Variants in REST observed in about 807,000 individuals in gnomAD.
The protein encoded by REST is RE1-silencing transcription factor.
A neutral mutation model predicts 30.4 loss-of-function variants in REST; 1 was observed. The ratio of observed to expected loss-of-function variants is 0.03; its 90% CI spans 0.01 to 0.16. The LOEUF (loss-of-function observed/expected upper bound fraction) is 0.16. Among genes scored for constraint, REST ranks in the 10% least tolerant of loss-of-function variants. REST has a pLI of 1.00. For missense variants in REST, 1,259 were observed against 1,329.5 expected, an observed-to-expected ratio of 0.95 and a Z score of 0.82; for synonymous variants, 504 against 451.1, an observed-to-expected ratio of 1.12 and a Z score of -1.49.
intron 2 of REST, among the ~76,000 whole-genome samples, chr4:56,914,549 G>A (rs1158085198): frequency 6.6e-6 from 1 of 152,180 alleles, no homozygotes. Flanking sequence ...AAAGTTACTT[G>A]GGGACACAAC....
intron 3 of REST, among the ~76,000 whole-genome samples, chr4:56,927,839 C>T (rs542842745): frequency 1.3e-5 from 2 of 152,244 alleles, no homozygotes; most frequent in African/African-American, 4.8e-5. Context: ...GGGGGAAAAT[C>T]AAGAAAGTTT....
At position 56,930,318 on chromosome 4, in the gene REST, A is replaced by C. The variant is rs1290857052; in HGVS notation, c.1460A>C (p.Gln487Pro). ...CCTTCTAATAATGTGTCAGTGATCC[A>C]GGTGACTACCAGAACTCGAAAATCA... ...KKPSNNVSVI[Q>P]VTTRTRKSVT... Residue 487 changes from glutamine to proline, a missense_variant, in exon 4 of 4, where the codon CAG (glutamine) becomes CCG (proline). Physicochemically the swap from Gln to Pro is moderately conservative, Grantham distance 76. Around this residue, in one of 5 missense-constraint regions of REST, gnomAD observed 856 missense variants for 772.8 expected, o/e 1.11. Transcript: ENST00000309042. The C allele has an allele frequency of 5.0e-6, 8 of 1,614,038 alleles. No individual in the cohort carries two copies. Among genetic ancestry groups the C allele is most frequent in the Non-Finnish European group, 6.8e-6 (8 of 1,180,040 alleles).
intron 2 of REST, among the ~76,000 whole-genome samples, chr4:56,914,527 A>G (rs781662): frequency 0.58 from 88,589 of 152,088 alleles, 25,935 homozygotes; most frequent in Admixed American, 0.64. Flanking sequence ...AAAATACATA[A>G]AGTAGGAAAT....
intron 3 of REST, among the ~76,000 whole-genome samples, chr4:56,920,460 C>T (rs1336831353): frequency 6.6e-6 from 1 of 151,500 alleles, no homozygotes; most frequent in Non-Finnish European, 1.5e-5. Flanking sequence ...TCACCATCAC[C>T]ACTCATAATT....
intron 3 of REST, among the ~76,000 whole-genome samples, chr4:56,925,777 A>G (rs983105823): frequency 6.6e-6 from 1 of 152,238 alleles, no homozygotes; most frequent in East Asian, 1.9e-4. Flanking sequence ...GCAATAAAGT[A>G]AAAATTACGG....
Position 56,919,845 on chromosome 4 carries a change from A to G in REST, c.957A>G (p.Leu319=). 6.2e-7 allele frequency: 1 copy of G among 1,605,500 alleles called. No homozygotes were observed. The highest frequency in any genetic ancestry group is 2.2e-5 in the East Asian group (1 of 44,760). ...ACTCAAGTTCTCAGAAGACTCATCT[A>G]ACTAGACATATGCGTACTCATTCAG... is the stretch of plus-strand genomic sequence containing the variant. ...CPYSSSQKTH[L]TRHMRTHSGE... is the part of the protein sequence containing the mutation. The change falls in exon 3 of 4, where the codon CTA becomes CTG. Residue 319 remains leucine (L), a synonymous_variant. Transcript: ENST00000309042.
intron 1 of REST, among the ~76,000 whole-genome samples, chr4:56,908,641 C>T (rs544900195): frequency 2.0e-5 from 3 of 152,268 alleles, no homozygotes; most frequent in African/African-American, 7.2e-5. Flanking sequence ...CTCCTGGCCC[C>T]CTCCCCCAGG....
Position 56,935,181 on chromosome 4 carries a change from T to G in REST, c.*3029T>G, listed in dbSNP as rs1218787822. 1 of 152,208 alleles carries G rather than the reference T, an allele frequency of 6.6e-6. No homozygotes were observed. The highest frequency in any genetic ancestry group is 1.9e-4 in the East Asian group (1 of 5,200). 9.4% of individuals were successfully genotyped at this position (152,208 alleles called of 1,614,324 possible). A position where few individuals can be genotyped will look rare whatever the true frequency, so the allele number is the denominator to read the frequency against. ...AAATTAAAACCCAAGTAGACCTCAT[T>G]GCATGTCACCCTATGAATGTTGACA... On this transcript the variant is annotated 3_prime_UTR_variant, in exon 4 of 4. Coordinates refer to ENST00000309042, the MANE Select transcript of REST (RefSeq NM_005612.5).
chr4:56,907,923 T>G lies in REST; in HGVS notation c.-300T>G, dbSNP rs1237772213. The G allele has an allele frequency of 3.9e-5, 10 of 258,160 alleles. No homozygotes were observed. Among genetic ancestry groups the G allele is most frequent in the Admixed American group, 2.8e-4 (5 of 17,620 alleles). The allele number at this position is 258,160 out of a possible 1,614,324, so 16.0% of individuals were successfully genotyped here. Reference sequence around the variant, plus strand: ...GGGTGCGCGGCGCAGCGTCCTGTGTTGGAATGTGCGGCTGCCGCGAGCTCG... The same window carrying G: ...GGGTGCGCGGCGCAGCGTCCTGTGTGGGAATGTGCGGCTGCCGCGAGCTCG... On this transcript the variant is annotated 5_prime_UTR_variant, in exon 1 of 4. Transcript: ENST00000309042.
chr4:56,927,671 A>G, intron 3 of REST: 2 of 1,231,754 alleles, frequency 1.6e-6, no homozygotes, highest in South Asian at 1.3e-5. Context: ...ATGGGTATGT[A>G]TTCAGGTAGA....
At chr4:56,923,351 T>TA (rs1213306142) in intron 3 of REST, among the ~76,000 whole-genome samples, 1 of 152,220 alleles carries the variant, frequency 6.6e-6, no homozygotes, top group African/African-American at 2.4e-5. Flanking sequence ...CACTGCAACT[T>TA]CATATGCCTA....
Position 56,931,708 on chromosome 4 carries a change from C to G in REST, c.2850C>G (p.Asp950Glu). 3.1e-6 allele frequency: 5 copies of G among 1,614,176 alleles called. No individual in the cohort carries two copies. Among genetic ancestry groups the G allele is most frequent in the Non-Finnish European group, 4.2e-6 (5 of 1,180,040 alleles). Residue 950 changes from aspartate to glutamate, a missense_variant, in exon 4 of 4, where the codon GAC becomes GAG. Transcript: ENST00000309042. Reference protein sequence around the residue: ...TDSIVCEMKMDTDQNTRENLT... With the variant: ...TDSIVCEMKMETDQNTRENLT... ...GTATAGTTTGTGAAATGAAAATGGA[C>G]ACTGATCAGAACACAAGAGAGAATC...
In REST at chr4:56,933,618, A is replaced by G. The variant is rs760674050; in HGVS notation, c.*1466A>G. On this transcript the variant is annotated 3_prime_UTR_variant, in exon 4 of 4. Transcript: ENST00000309042. ...GCCTCTTTCTATAGGTGAGGCCTCA[A>G]ATGAATTGCAGCTATCCTGGTGTTC... 5 of 152,188 alleles carry G rather than the reference A, an allele frequency of 3.3e-5. No homozygotes were observed. The highest frequency in any genetic ancestry group is 6.5e-5 in the Admixed American group (1 of 15,272). 9.4% of individuals were successfully genotyped at this position (152,188 alleles called of 1,614,324 possible). A position where few individuals can be genotyped will look rare whatever the true frequency, so the allele number is the denominator to read the frequency against.
chr4:56,911,601 T>A, intron 2 of REST, 65 bp downstream of exon 2: 1 of 1,316,902 alleles, frequency 7.6e-7, no homozygotes, highest in Non-Finnish European at 1.1e-6. Context: ...AGTGGTTAGT[T>A]AAGTAGTGCT....
At position 56,930,885 on chromosome 4, in the gene REST, T is replaced by C. The variant is rs746211428; in HGVS notation, c.2027T>C (p.Val676Ala). 3 of 1,613,616 alleles carry C rather than the reference T, an allele frequency of 1.9e-6. No individual in the cohort carries two copies. In the South Asian group the frequency reaches 3.3e-5, roughly 18 times the overall value. ...CCTCCCGTGGAGCCTGCTCAGATGG[T>C]GGGTGCCCAAATTGTACTTGCTCAC... is the stretch of plus-strand genomic sequence containing the variant. Reference protein sequence around the residue: ...LLPPVEPAQMVGAQIVLAHME... With the variant: ...LLPPVEPAQMAGAQIVLAHME... The change falls in exon 4 of 4, where the codon GTG becomes GCG. Residue 676 changes from valine to alanine, a missense_variant. Val to Ala is a moderately conservative substitution (Grantham distance 64). This residue lies in a region of REST where 856 missense variants were observed against 772.8 expected (regional missense o/e 1.11). Transcript: ENST00000309042.
intron 1 of REST, among the ~76,000 whole-genome samples, chr4:56,910,027 G>A (rs1174124483): frequency 6.6e-6 from 1 of 152,208 alleles, no homozygotes; most frequent in Non-Finnish European, 1.5e-5. Context: ...TAAGCCTGTG[G>A]AGTTGTCGAA....
Position 56,930,281 on chromosome 4 carries a change from A to G in REST, c.1423A>G (p.Lys475Glu), listed in dbSNP as rs1241455829. The change falls in exon 4 of 4, where the codon AAA (lysine) becomes GAA (glutamate). Residue 475 changes from lysine (K) to glutamate (E), a missense_variant. This residue lies in a region of REST where 856 missense variants were observed against 772.8 expected (regional missense o/e 1.11). Transcript: ENST00000309042. The stretch of plus-strand genomic sequence containing the variant: ...CAAAGCAGAGAAAAGAGATGTCTCA[A>G]AAGAGAAAAAGCCTTCTAATAATGT... ...SVKAEKRDVSKEKKPSNNVSV... is the reference protein window; with the variant it reads ...SVKAEKRDVSEEKKPSNNVSV... 3.7e-6 allele frequency: 6 copies of G among 1,613,412 alleles called. No homozygotes were observed. The highest frequency in any genetic ancestry group is 5.1e-6 in the Non-Finnish European group (6 of 1,179,956).
chr4:56,920,957 C>T (rs923295425), intron 3 of REST, among the ~76,000 whole-genome samples: 1 of 152,060 alleles, frequency 6.6e-6, no homozygotes, highest in African/African-American at 2.4e-5. Context: ...CCTCCGCTTC[C>T]CAGGTTCAAG....
intron 3 of REST, among the ~76,000 whole-genome samples, chr4:56,928,401 C>G (rs1170056739): frequency 1.3e-5 from 2 of 152,074 alleles, no homozygotes; most frequent in Non-Finnish European, 2.9e-5. Context: ...GCCACCACAC[C>G]TGGCTGGGAA....
Sources: allele counts gnomAD v4.1 joint callset (sites outside exome capture counted in the v4.1 genomes callset), GRCh38; gene constraint gnomAD v4.1.1; regional missense constraint gnomAD v4.1.1; transcripts MANE v1.5; gene names NCBI Gene and HGNC (gene_info 2026-07-23, HGNC 2026-07-21).